Variants in HPSE2 observed in about 807,000 individuals in gnomAD.
HPSE2 encodes inactive heparanase-2.
In HPSE2, 38 loss-of-function variants were observed where a neutral mutation model predicts 60.5. The observed-to-expected ratio is 0.63, with a 90% CI of 0.48 to 0.82. The LOEUF is 0.82. Among genes scored for constraint, HPSE2 ranks in the 40% least tolerant of loss-of-function variants. HPSE2 has a pLI of 0.00. For missense variants in HPSE2, 713 were observed against 740.4 expected, an observed-to-expected ratio of 0.96 and a Z score of 0.43; for synonymous variants, 295 against 293.2, an observed-to-expected ratio of 1.01 and a Z score of -0.06.
At chr10:99,015,569 C>T (rs1464838764) in intron 3 of HPSE2, among the ~76,000 whole-genome samples, 1 of 146,532 alleles carries the variant, frequency 6.8e-6, no homozygotes, top group Non-Finnish European at 1.5e-5. Flanking sequence ...ATCACAAGGA[C>T]AAAAAACCAA....
chr10:99,148,006 A>C (rs1388786580), intron 2 of HPSE2, among the ~76,000 whole-genome samples: 1 of 152,230 alleles, frequency 6.6e-6, no homozygotes, highest in Non-Finnish European at 1.5e-5. Context: ...CATATACTTA[A>C]GATCTTACTA....
chr10:98,997,117 T>C (rs1447445252), intron 3 of HPSE2, among the ~76,000 whole-genome samples: 1 of 144,460 alleles, frequency 6.9e-6, no homozygotes, highest in Non-Finnish European at 1.5e-5. Context: ...CCTTTCTTTT[T>C]TTTTTTTTTT....
intron 3 of HPSE2, among the ~76,000 whole-genome samples, chr10:98,935,265 C>CT (rs1954755846): frequency 7.0e-6 from 1 of 142,738 alleles, no homozygotes; most frequent in South Asian, 2.1e-4. Flanking sequence ...TTATTACCCA[C>CT]TTTCTAAAGC....
In HPSE2 at chr10:99,201,317, T is replaced by C. The variant is rs535752596; in HGVS notation, c.448+31031A>G. Among the ~76,000 whole-genome samples the C allele has an allele frequency of 2.6e-5, 4 of 152,278 alleles. No individual in the cohort carries two copies. In the East Asian group the frequency reaches 5.8e-4, roughly 22 times the overall value. ...CACTGCTGCTTGACTAATGTAATCATGCTCATCTCACTCTTGAATATCTTC... is the reference window on the plus strand; with the variant it reads ...CACTGCTGCTTGACTAATGTAATCACGCTCATCTCACTCTTGAATATCTTC... On this transcript the variant is annotated intron_variant, in intron 2 of 11. Transcript: ENST00000370552.
intron 9 of HPSE2, among the ~76,000 whole-genome samples, chr10:98,523,922 T>C (rs529690632): frequency 6.6e-6 from 1 of 152,324 alleles, no homozygotes; most frequent in Non-Finnish European, 1.5e-5. Flanking sequence ...CAGATGTTCT[T>C]AACAGAAATT....
the HPSE2 span, among the ~76,000 whole-genome samples, chr10:99,305,961 A>ATACGCGCGCGCGCGCGCGCG: frequency 9.7e-6 from 1 of 103,060 alleles, no homozygotes; most frequent in Non-Finnish European, 1.9e-5. Context: ...ACTCACACAC[A>ATACGCGCGCGCGCGCGCGCG]CGCGCGCGCG....
At chr10:99,179,635 C>T (rs1342492883) in intron 2 of HPSE2, among the ~76,000 whole-genome samples, 1 of 152,048 alleles carries the variant, frequency 6.6e-6, no homozygotes, top group African/African-American at 2.4e-5. Flanking sequence ...AAAAACATTC[C>T]ATGCTTATGG....
intron 9 of HPSE2, among the ~76,000 whole-genome samples, chr10:98,499,602 C>T (rs2133705474): frequency 6.6e-6 from 1 of 152,036 alleles, no homozygotes; most frequent in East Asian, 1.9e-4. Flanking sequence ...AGTTAAAAAG[C>T]AAAAACAAAA....
chr10:98,960,706 T>TC (rs1955638216), intron 3 of HPSE2, among the ~76,000 whole-genome samples: 1 of 53,828 alleles, frequency 1.9e-5, no homozygotes, highest in Non-Finnish European at 3.7e-5. Context: ...CATTTCTTTT[T>TC]TTTTTTTTTT....
chr10:98,949,771 A>G (rs889072665), intron 3 of HPSE2, among the ~76,000 whole-genome samples: 1 of 152,144 alleles, frequency 6.6e-6, no homozygotes, highest in Non-Finnish European at 1.5e-5. Context: ...AAAATTAAGT[A>G]AGATTATGAA....
At chr10:98,653,044 T>C (rs150762749) in intron 6 of HPSE2, among the ~76,000 whole-genome samples, 47 of 152,162 alleles carry the variant, frequency 3.1e-4, no homozygotes, top group African/African-American at 1.0e-3. Context: ...TTTGACACTC[T>C]GTTGTTAGAT....
chr10:98,630,205 T>G lies in HPSE2; in HGVS notation c.1099-9497A>C, dbSNP rs887666034. Among the ~76,000 whole-genome samples the G allele has an allele frequency of 1.7e-3, 250 of 150,240 alleles. 1 individual carries two copies. The highest frequency in any genetic ancestry group is 4.0e-3 in the Admixed American group (60 of 15,122). ...ATCGTTTTTTTTTTTGTTTTTTTTT[T>G]TTTTGTTTTTGAGACAGAGTCTCGC... is the stretch of plus-strand genomic sequence containing the variant. On this transcript the variant is annotated intron_variant, in intron 7 of 11. Transcript: ENST00000370552.
intron 3 of HPSE2, among the ~76,000 whole-genome samples, chr10:98,952,385 G>A (rs561748870): frequency 6.6e-6 from 1 of 151,248 alleles, no homozygotes; most frequent in African/African-American, 2.4e-5. Context: ...AGGGCAAAAT[G>A]GGCAAGGGTT....
chr10:98,563,589 A>C (rs1259181270), intron 9 of HPSE2, among the ~76,000 whole-genome samples: 1 of 152,238 alleles, frequency 6.6e-6, no homozygotes, highest in South Asian at 2.1e-4. Flanking sequence ...AAGCCATTAT[A>C]AAAAAGATGC....
At chr10:98,572,544 A>G (rs781204534) in intron 9 of HPSE2, among the ~76,000 whole-genome samples, 5 of 151,696 alleles carry the variant, frequency 3.3e-5, no homozygotes, top group Non-Finnish European at 7.4e-5. Flanking sequence ...TATTTCGTGA[A>G]CTCTTATACC....
At chr10:99,293,226 GA>G in the HPSE2 span, among the ~76,000 whole-genome samples, 8 of 149,706 alleles carry the variant, frequency 5.3e-5, no homozygotes, top group Middle Eastern at 3.4e-3. Context: ...CAGCAAAAAG[GA>G]AAAAAAAAGG....
intron 3 of HPSE2, among the ~76,000 whole-genome samples, chr10:98,763,751 A>C (rs1464924455): frequency 6.6e-6 from 1 of 151,792 alleles, no homozygotes; most frequent in African/African-American, 2.4e-5. Context: ...ATTTTTCAGG[A>C]ATAAAGGTGT....
chr10:99,074,635 A>C (rs1842902208), intron 3 of HPSE2, among the ~76,000 whole-genome samples: 1 of 152,114 alleles, frequency 6.6e-6, no homozygotes, highest in South Asian at 2.1e-4. Flanking sequence ...GATCAGTATT[A>C]GTTCTTCTTT....
intron 3 of HPSE2, among the ~76,000 whole-genome samples, chr10:98,823,125 AT>A (rs1304267558): frequency 1.3e-5 from 2 of 152,160 alleles, no homozygotes; most frequent in Non-Finnish European, 2.9e-5. Flanking sequence ...AAGCCAAAGA[AT>A]GTAGGCAGCC....
Sources: allele counts gnomAD v4.1 joint callset (sites outside exome capture counted in the v4.1 genomes callset), GRCh38; gene constraint gnomAD v4.1.1; transcripts MANE v1.5; gene names NCBI Gene and HGNC (gene_info 2026-07-23, HGNC 2026-07-21).